Variants in FTO observed in about 807,000 individuals in gnomAD.
The protein encoded by FTO is FTO alpha-ketoglutarate dependent dioxygenase.
Under a neutral mutation model 63.9 loss-of-function variants are expected in FTO, and 47 were observed. That is an observed-to-expected ratio of 0.74 (90% CI 0.58 to 0.94). The LOEUF is 0.94. Among genes scored for constraint, FTO ranks in the 40% least tolerant of loss-of-function variants. The probability of loss-of-function intolerance (pLI) is 0.00; values close to 1 mark genes in which losing one functional copy is unlikely to be tolerated. For synonymous variants in FTO, 207 were observed against 224.4 expected (o/e 0.92, Z 0.69); for missense variants, 562 against 618.1 (o/e 0.91, Z 0.96).
At chr16:54,089,209 A>G (rs547241659) in intron 8 of FTO, among the ~76,000 whole-genome samples, 5 of 152,220 alleles carry the variant, frequency 3.3e-5, no homozygotes, top group Non-Finnish European at 5.9e-5. Context: ...TAGAGAATGG[A>G]AACTTCCAAT....
intron 3 of FTO, among the ~76,000 whole-genome samples, chr16:53,827,980 C>T (rs1463206458): frequency 6.6e-6 from 1 of 152,152 alleles, no homozygotes. Flanking sequence ...TCTGAGCCCT[C>T]CAGTTTAATA....
At chr16:53,876,816 A>G (rs1202477712) in intron 5 of FTO, among the ~76,000 whole-genome samples, 2 of 152,192 alleles carry the variant, frequency 1.3e-5, no homozygotes, top group African/African-American at 4.8e-5. Flanking sequence ...AATCCCAGCT[A>G]TTCAGCAGGC....
intron 8 of FTO, among the ~76,000 whole-genome samples, chr16:53,972,087 G>C (rs192220391): frequency 6.6e-6 from 1 of 152,178 alleles, no homozygotes; most frequent in East Asian, 1.9e-4. Flanking sequence ...GGAGACAGGG[G>C]TCCTATTATT....
chr16:53,823,186 T>C (rs979319599), intron 2 of FTO, among the ~76,000 whole-genome samples: 1 of 152,204 alleles, frequency 6.6e-6, no homozygotes, highest in African/African-American at 2.4e-5. Context: ...CTGCCAAATC[T>C]ACTGGATCAT....
chr16:53,965,240 GT>G (rs1859547957), intron 8 of FTO, among the ~76,000 whole-genome samples: 1 of 151,980 alleles, frequency 6.6e-6, no homozygotes, highest in South Asian at 2.1e-4. Flanking sequence ...CGCCTGGCTT[GT>G]TTTTTTGTAT....
At chr16:53,791,795 C>A (rs1473171784) in intron 1 of FTO, among the ~76,000 whole-genome samples, 1 of 152,042 alleles carries the variant, frequency 6.6e-6, no homozygotes, top group African/African-American at 2.4e-5. Context: ...GTGTATAGGC[C>A]GGGCGCGGTG....
rs562646623 is a variant in FTO at position 53,762,737 on chromosome 16, G to A, written c.46-47403G>A. On this transcript the variant is annotated intron_variant, in intron 1 of 8. Coordinates refer to ENST00000471389, the MANE Select transcript of FTO (RefSeq NM_001080432.3). Reference sequence around the variant, plus strand: ...AAGAAATGATGAATATTGATTTGGTGATATTTTGTTGTTTGCATTATCTTA... The same window carrying A: ...AAGAAATGATGAATATTGATTTGGTAATATTTTGTTGTTTGCATTATCTTA... 2.6e-5 allele frequency among the ~76,000 whole-genome samples: 4 copies of A among 152,264 alleles called. No homozygotes were observed. In the South Asian group the frequency reaches 6.2e-4, roughly 24 times the overall value.
chr16:53,961,248 C>G (rs1254344239), intron 8 of FTO, among the ~76,000 whole-genome samples: 4 of 151,972 alleles, frequency 2.6e-5, no homozygotes, highest in Admixed American at 2.6e-4. Flanking sequence ...AGAGTTATAG[C>G]GAGCAGACCA....
chr16:53,915,677 G>C (rs2081846554), intron 7 of FTO, among the ~76,000 whole-genome samples: 1 of 152,180 alleles, frequency 6.6e-6, no homozygotes, highest in Admixed American at 6.5e-5. Flanking sequence ...AGGTTCAGTT[G>C]TTGCCCATTT....
intron 1 of FTO, among the ~76,000 whole-genome samples, chr16:53,715,754 A>G (rs2075880580): frequency 6.6e-6 from 1 of 152,196 alleles, no homozygotes; most frequent in Admixed American, 6.5e-5. Flanking sequence ...TTTCATTATA[A>G]TCTCTTTCCA....
chr16:53,992,506 A>G (rs1320103544), intron 8 of FTO: 2 of 152,202 alleles, frequency 1.3e-5, no homozygotes, highest in South Asian at 2.1e-4. Flanking sequence ...AGTTGGGAAA[A>G]GCCATCTTTC....
intron 7 of FTO, among the ~76,000 whole-genome samples, 174 bp downstream of exon 7, chr16:53,889,125 T>G (rs997005890): frequency 6.6e-6 from 1 of 152,254 alleles, no homozygotes; most frequent in Non-Finnish European, 1.5e-5. Context: ...CTCAGTTTAG[T>G]TCAATAAGCA....
chr16:54,098,297 G>A (rs926491360), intron 8 of FTO, among the ~76,000 whole-genome samples: 1 of 152,192 alleles, frequency 6.6e-6, no homozygotes, highest in Non-Finnish European at 1.5e-5. Context: ...TACCCTAAGT[G>A]ACCTGTTAGT....
chr16:53,942,017 C>T (rs1029086717), intron 8 of FTO, among the ~76,000 whole-genome samples: 15 of 152,200 alleles, frequency 9.9e-5, no homozygotes, highest in African/African-American at 3.1e-4. Flanking sequence ...TCAATCTATT[C>T]CAGTGTTTAT....
intron 8 of FTO, among the ~76,000 whole-genome samples, chr16:54,005,068 T>TG (rs1485639450): frequency 3.9e-4 from 38 of 97,760 alleles, no homozygotes; most frequent in African/African-American, 1.3e-3. Context: ...AGGCTCCGTC[T>TG]AAAAAAAAAA....
At chr16:53,759,226 A>G (rs2151594324) in intron 1 of FTO, among the ~76,000 whole-genome samples, 1 of 152,362 alleles carries the variant, frequency 6.6e-6, no homozygotes, top group Non-Finnish European at 1.5e-5. Flanking sequence ...AATTTTCAAC[A>G]GAAGTATTAG....
chr16:53,736,026 G>A (rs2076383696), intron 1 of FTO, among the ~76,000 whole-genome samples: 1 of 151,974 alleles, frequency 6.6e-6, no homozygotes, highest in Admixed American at 6.6e-5. Flanking sequence ...AGCTCTTATG[G>A]CACTAATAAT....
At chr16:54,065,284 G>A (rs112169531) in intron 8 of FTO, among the ~76,000 whole-genome samples, 15 of 151,870 alleles carry the variant, frequency 9.9e-5, no homozygotes, top group African/African-American at 2.9e-4. Flanking sequence ...CGCCTTCCCA[G>A]TAGCTGGGAC....
chr16:53,870,959 T>G (rs1486971873), intron 4 of FTO, among the ~76,000 whole-genome samples: 1 of 152,172 alleles, frequency 6.6e-6, no homozygotes, highest in Non-Finnish European at 1.5e-5. Context: ...AGATTGACAG[T>G]TTTTTCCTTT....
Sources: gnomAD v4.1 joint callset for allele counts (sites outside exome capture counted in the v4.1 genomes callset) on GRCh38, gnomAD v4.1.1 for gene constraint, MANE v1.5 for transcripts, NCBI Gene and HGNC (gene_info 2026-07-23, HGNC 2026-07-21) for gene names.